The following C1QTNF7 variants were observed in gnomAD, a reference collection of about 807,000 sequenced individuals.
C1QTNF7 encodes C1q and TNF related 7, also known as complement C1q tumor necrosis factor-related protein 7.
In C1QTNF7, 15 loss-of-function variants were observed where a neutral mutation model predicts 19.6. The ratio of observed to expected loss-of-function variants is 0.76; its 90% CI spans 0.51 to 1.18. C1QTNF7 has a LOEUF of 1.18. Ranked by LOEUF, C1QTNF7 falls within the 50% of genes most tolerant of loss-of-function variation. C1QTNF7 has a pLI of 0.00. For synonymous variants in C1QTNF7, 142 were observed against 137.5 expected, an observed-to-expected ratio of 1.03 and a Z score of -0.23; for missense variants, 324 against 359.7, an observed-to-expected ratio of 0.90 and a Z score of 0.80.
rs796482677 is a variant in C1QTNF7, at chr4:15,444,567, T to A, written c.*1768T>A. The A allele has an allele frequency of 1.9e-4, 29 of 152,082 alleles. No homozygotes were observed. The highest frequency in any genetic ancestry group is 6.8e-4 in the African/African-American group (28 of 41,394). 9.4% of individuals were successfully genotyped at this position (152,082 alleles called of 1,614,324 possible). ...AGGAGCCAGCTCTGACTAGTAAATT[T>A]CTAAGGATACCAGAAAGGAAATGGC... On this transcript the variant is annotated 3_prime_UTR_variant, in exon 3 of 3. Coordinates refer to ENST00000444304, the MANE Select transcript of C1QTNF7 (RefSeq NM_031911.5).
chr4:15,340,284 C>G, intron 1 of C1QTNF7: 1 of 1,471,272 alleles, frequency 6.8e-7, no homozygotes, highest in African/African-American at 1.4e-5. Flanking sequence ...CCTGGGAGAA[C>G]TTAAGAAAGC....
chr4:15,443,715 G>A lies in C1QTNF7; in HGVS notation c.*916G>A, dbSNP rs1379202120. The stretch of plus-strand genomic sequence containing the variant: ...GCCTGGCAGGGGTGATAAAAATGGA[G>A]ATTGAAATGAAGAGAAATAGCCAGC... On this transcript the variant is annotated 3_prime_UTR_variant, in exon 3 of 3. Coordinates refer to ENST00000444304, the MANE Select transcript of C1QTNF7 (RefSeq NM_031911.5). 2.6e-5 allele frequency: 4 copies of A among 152,166 alleles called. No individual in the cohort carries two copies. Among genetic ancestry groups the A allele is most frequent in the Non-Finnish European group, 5.9e-5 (4 of 68,026 alleles). 9.4% of individuals were successfully genotyped at this position (152,166 alleles called of 1,614,324 possible). A position where few individuals can be genotyped will look rare whatever the true frequency, so the allele number is the denominator to read the frequency against.
chr4:15,349,545 C>G (rs780174067), intron 1 of C1QTNF7, among the ~76,000 whole-genome samples: 1 of 152,088 alleles, frequency 6.6e-6, no homozygotes, highest in Admixed American at 6.6e-5. Flanking sequence ...GGAGGAGGAA[C>G]AAAATATGTG....
At chr4:15,401,283 C>T (rs1718987408) in intron 1 of C1QTNF7, among the ~76,000 whole-genome samples, 1 of 152,114 alleles carries the variant, frequency 6.6e-6, no homozygotes, top group Non-Finnish European at 1.5e-5. Context: ...AGCGACCTTG[C>T]AGCCACAACA....
At chr4:15,418,802 CCTT>C (rs1336533430) in intron 1 of C1QTNF7, among the ~76,000 whole-genome samples, 18 of 152,188 alleles carry the variant, frequency 1.2e-4, no homozygotes, top group Non-Finnish European at 2.4e-4. Context: ...ATAACAGTAA[CCTT>C]CTCCTGTGGT....
At chr4:15,377,067 T>C (rs1015471808) in intron 1 of C1QTNF7, among the ~76,000 whole-genome samples, 1 of 152,236 alleles carries the variant, frequency 6.6e-6, no homozygotes, top group Admixed American at 6.5e-5. Context: ...ACAGAATCTC[T>C]TTAATTAAAG....
rs373324392 is a variant in C1QTNF7, at chr4:15,357,087, G to T, written c.13+16880G>T. The stretch of plus-strand genomic sequence containing the variant: ...TGATAGTTTCTTTTGCTGTGCAGAA[G>T]CTCTTTAGTTTAATTAGATCCCATT... On this transcript the variant is annotated intron_variant, in intron 1 of 2. Coordinates refer to the C1QTNF7 transcript ENST00000295297. Among the ~76,000 whole-genome samples the T allele has an allele frequency of 3.9e-5, 6 of 152,058 alleles. No individual in the cohort carries two copies. The South Asian group carries it at 6.2e-4, about 16-fold the overall frequency.
chr4:15,420,199 C>T (rs1711683154), intron 1 of C1QTNF7, among the ~76,000 whole-genome samples: 1 of 152,194 alleles, frequency 6.6e-6, no homozygotes. Context: ...TCCAAGGTGC[C>T]TTGTTCTCTC....
At chr4:15,382,367 T>C (rs1180617310) in intron 1 of C1QTNF7, among the ~76,000 whole-genome samples, 1 of 151,780 alleles carries the variant, frequency 6.6e-6, no homozygotes, top group Admixed American at 6.6e-5. Context: ...CCAAAATCTA[T>C]TCATTAGCCA....
chr4:15,439,144 C>T (rs28456032), intron 2 of C1QTNF7, among the ~76,000 whole-genome samples: 1 of 152,190 alleles, frequency 6.6e-6, no homozygotes, highest in Non-Finnish European at 1.5e-5. Context: ...GACAATGACT[C>T]ATCCCTTCTT....
chr4:15,423,155 G>A (rs115939387), upstream of C1QTNF7, among the ~76,000 whole-genome samples: 1,277 of 152,260 alleles, frequency 8.4e-3, 19 homozygotes, highest in African/African-American at 0.029. Context: ...TCCAGTTCTG[G>A]TTTAGCATAA....
intron 1 of C1QTNF7, among the ~76,000 whole-genome samples, chr4:15,384,256 G>C (rs956425524): frequency 1.3e-5 from 2 of 152,206 alleles, no homozygotes; most frequent in Non-Finnish European, 2.9e-5. Context: ...GCTTGTCATA[G>C]AGTAAGCACT....
At chr4:15,345,941 T>C (rs1267724489) in intron 1 of C1QTNF7, among the ~76,000 whole-genome samples, 2 of 152,220 alleles carry the variant, frequency 1.3e-5, no homozygotes, top group African/African-American at 2.4e-5. Context: ...TTTAAACTTA[T>C]ATAATGCCTG....
In C1QTNF7 at chr4:15,396,687, T is replaced by C. The variant is rs115658273; in HGVS notation, c.14-39049T>C. On this transcript the variant is annotated intron_variant, in intron 1 of 2. Transcript: ENST00000295297. ...CTGTGGGCAACTGATGCTCAGTCCC[T>C]CTGAGGACCCTGAGAGTTCCTCAGA... Among the ~76,000 whole-genome samples, 998 of 152,250 alleles carry C rather than the reference T, an allele frequency of 6.6e-3. 16 individuals carry two copies. Among genetic ancestry groups the C allele is most frequent in the African/African-American group, 0.023 (950 of 41,566 alleles).
intron 1 of C1QTNF7, among the ~76,000 whole-genome samples, chr4:15,354,070 C>T (rs904376423): frequency 6.6e-6 from 1 of 152,056 alleles, no homozygotes; most frequent in African/African-American, 2.4e-5. Flanking sequence ...GGAAGGCTGG[C>T]TATGCGCACT....
At chr4:15,344,339 C>A (rs1380052022) in intron 1 of C1QTNF7, among the ~76,000 whole-genome samples, 2 of 152,204 alleles carry the variant, frequency 1.3e-5, no homozygotes, top group Non-Finnish European at 1.5e-5. Context: ...ACAGCTGTGG[C>A]AGAGACTAAA....
intron 1 of C1QTNF7, among the ~76,000 whole-genome samples, chr4:15,397,759 A>T (rs1718840597): frequency 6.6e-6 from 1 of 152,258 alleles, no homozygotes; most frequent in African/African-American, 2.4e-5. Context: ...CTATGCACTC[A>T]GCTCCACTGT....
intron 1 of C1QTNF7, among the ~76,000 whole-genome samples, chr4:15,372,634 A>G (rs1319101745): frequency 6.6e-6 from 1 of 152,248 alleles, no homozygotes; most frequent in African/African-American, 2.4e-5. Flanking sequence ...ACCATAAAAT[A>G]TGAGTTGGAC....
intron 2 of C1QTNF7, among the ~76,000 whole-genome samples, chr4:15,440,146 T>A (rs1712692907): frequency 6.6e-6 from 1 of 152,154 alleles, no homozygotes; most frequent in African/African-American, 2.4e-5. Context: ...TATAAAGATT[T>A]AGACACACAG....
Sources: gnomAD v4.1 joint callset for allele counts (sites outside exome capture counted in the v4.1 genomes callset) on GRCh38, gnomAD v4.1.1 for gene constraint, MANE v1.5 for transcripts, NCBI Gene and HGNC (gene_info 2026-07-23, HGNC 2026-07-21) for gene names.